Variants in OR2L13 observed in about 807,000 individuals in gnomAD.
The protein encoded by OR2L13 is olfactory receptor 2L13.
OR2L13 carries 14 observed loss-of-function variants against 15.3 expected under a neutral mutation model. The observed-to-expected ratio is 0.91, with a 90% CI of 0.60 to 1.43. OR2L13 has a LOEUF of 1.43. Ranked by LOEUF, OR2L13 falls within the 40% of genes most tolerant of loss-of-function variation. The probability of loss-of-function intolerance (pLI) is 0.00; values close to 1 mark genes in which losing one functional copy is unlikely to be tolerated. For synonymous variants in OR2L13, 152 were observed against 142.9 expected (o/e 1.06, Z -0.45); for missense variants, 367 against 387.9 (o/e 0.95, Z 0.45).
chr1:247,989,226 AAAT>A, the OR2L13 span, among the ~76,000 whole-genome samples: 1 of 152,198 alleles, frequency 6.6e-6, no homozygotes, highest in South Asian at 2.1e-4. Context: ...TAGAAGAACC[AAAT>A]AATGATGTTT....
At chr1:248,039,159 G>C in the OR2L13 span, 2 of 1,613,352 alleles carry the variant, frequency 1.2e-6, no homozygotes, top group Admixed American at 3.3e-5. Context: ...GGAGGTGATG[G>C]GGGCCCTGAC....
chr1:248,038,130 T>A, the OR2L13 span: 1 of 607,852 alleles, frequency 1.6e-6, no homozygotes. Context: ...ATAAAAATAG[T>A]TTATATAGGG....
chr1:248,027,537 G>A, the OR2L13 span, among the ~76,000 whole-genome samples: 1 of 152,218 alleles, frequency 6.6e-6, no homozygotes, highest in Admixed American at 6.5e-5. Flanking sequence ...CTGCCAACAT[G>A]TGATGTCTCC....
the OR2L13 span, among the ~76,000 whole-genome samples, chr1:248,005,473 G>C: frequency 3.7e-4 from 56 of 152,204 alleles, no homozygotes; most frequent in Non-Finnish European, 7.8e-4. Context: ...TTTGAAGTTT[G>C]GTACTTTTAT....
chr1:248,081,413 C>T, the OR2L13 span, among the ~76,000 whole-genome samples: 2 of 152,050 alleles, frequency 1.3e-5, no homozygotes, highest in Non-Finnish European at 2.9e-5. Context: ...GTTGCTGTAG[C>T]TTTCGCCTGT....
chr1:248,038,214 C>A, the OR2L13 span: 297 of 1,263,326 alleles, frequency 2.4e-4, no homozygotes, highest in African/African-American at 3.8e-3. Context: ...AAGTGAATTA[C>A]TGTTCTTAAT....
chr1:248,043,364 A>C, the OR2L13 span, among the ~76,000 whole-genome samples: 1 of 152,146 alleles, frequency 6.6e-6, no homozygotes, highest in African/African-American at 2.4e-5. Context: ...CTATATGTTG[A>C]GGCAACAGTC....
the OR2L13 span, among the ~76,000 whole-genome samples, chr1:248,017,969 C>T: frequency 6.6e-6 from 1 of 151,818 alleles, no homozygotes; most frequent in Non-Finnish European, 1.5e-5. Flanking sequence ...CGGTGAAACC[C>T]CGTCTCTACT....
the OR2L13 span, among the ~76,000 whole-genome samples, chr1:248,089,242 G>T: frequency 6.6e-6 from 1 of 152,110 alleles, no homozygotes; most frequent in South Asian, 2.1e-4. Flanking sequence ...AAATGAAGAG[G>T]TACATCTGGG....
chr1:248,083,887 CG>C, the OR2L13 span: 1 of 1,610,636 alleles, frequency 6.2e-7, no homozygotes, highest in Non-Finnish European at 8.5e-7. Flanking sequence ...GAGCAGGTGG[CG>C]AAGGCCTTCT....
the OR2L13 span, among the ~76,000 whole-genome samples, chr1:247,995,578 A>G: frequency 6.6e-6 from 1 of 152,358 alleles, no homozygotes; most frequent in East Asian, 1.9e-4. Context: ...GTGGAATAAC[A>G]AAATATTTTC....
At chr1:248,063,840 C>A in the OR2L13 span, among the ~76,000 whole-genome samples, 1 of 152,112 alleles carries the variant, frequency 6.6e-6, no homozygotes, top group Non-Finnish European at 1.5e-5. Context: ...GAAGGCCAGG[C>A]AAATTGCCCC....
At chr1:248,003,358 TG>T in the OR2L13 span, 1 of 1,605,592 alleles carries the variant, frequency 6.2e-7, no homozygotes, top group Non-Finnish European at 8.5e-7. Context: ...TCTCCACCAT[TG>T]TTCCTAAGAT....
chr1:248,099,282 A>T, intron 2 of OR2L13, 76 bp from the exon 3 acceptor site: 1 of 826,570 alleles, frequency 1.2e-6, no homozygotes. Flanking sequence ...TGATAAAGTC[A>T]GTTCCTTTTT....
At chr1:247,979,932 T>G in the OR2L13 span, among the ~76,000 whole-genome samples, 1 of 152,314 alleles carries the variant, frequency 6.6e-6, no homozygotes, top group Middle Eastern at 3.4e-3. Context: ...CTACCCTGAT[T>G]AGATCATTAT....
At chr1:248,062,714 A>G in the OR2L13 span, 2 of 152,232 alleles carry the variant, frequency 1.3e-5, no homozygotes, top group African/African-American at 4.8e-5. Flanking sequence ...TATGTATTAA[A>G]GAATAACTGA....
the OR2L13 span, among the ~76,000 whole-genome samples, chr1:248,025,418 A>G: frequency 4.0e-4 from 59 of 149,322 alleles, no homozygotes; most frequent in East Asian, 9.7e-4. Context: ...CACACCAGTT[A>G]GAATGGCAAT....
At position 248,100,086 on chromosome 1, in the gene OR2L13, C is replaced by CA; in HGVS notation, c.712dup (p.Thr238AsnfsTer32). ...CAAAGGAGGGGAGAAAAAAGGCCTT[C>CA]ACCACCATTTCAACACATTTAACTG... On this transcript the variant is annotated frameshift_variant, in exon 3 of 3. Coordinates refer to ENST00000641714, the Ensembl canonical transcript of OR2L13. LOFTEE classifies it high-confidence loss of function. 1 of 1,613,988 alleles carries CA rather than the reference C, an allele frequency of 6.2e-7. No homozygotes were observed.
At chr1:248,091,701 GAAGTC>G (rs1558219920), upstream of OR2L13, among the ~76,000 whole-genome samples, 1 of 152,036 alleles carries the variant, frequency 6.6e-6, no homozygotes, top group Non-Finnish European at 1.5e-5. Flanking sequence ...AGTATAGTTT[GAAGTC>G]AAGTAATGCG....
Sources: allele counts gnomAD v4.1 joint callset (sites outside exome capture counted in the v4.1 genomes callset), GRCh38; gene constraint gnomAD v4.1.1; transcripts MANE v1.5; gene names NCBI Gene and HGNC (gene_info 2026-07-23, HGNC 2026-07-21).